Variants in MDN1 observed in about 807,000 individuals in gnomAD.
MDN1 encodes the protein midasin.
A neutral mutation model predicts 669.2 loss-of-function variants in MDN1; 266 were observed. That is an observed-to-expected ratio of 0.40 (90% CI 0.36 to 0.44). The LOEUF is 0.44. Among genes scored for constraint, MDN1 ranks in the 20% least tolerant of loss-of-function variants. The pLI is 1.00. For synonymous variants in MDN1, 2,385 were observed against 2,457.1 expected (o/e 0.97, Z 0.87); for missense variants, 5,940 against 6,754.0 (o/e 0.88, Z 4.22).
chr6:89,653,580 G>T (rs1191692184), intron 93 of MDN1, among the ~76,000 whole-genome samples: 5 of 152,238 alleles, frequency 3.3e-5, no homozygotes, highest in African/African-American at 1.2e-4. Flanking sequence ...AGCCTGGCTT[G>T]TCACATAGGA....
At chr6:89,730,970 C>T (rs1319744381) in intron 34 of MDN1, 47 bp from the exon 35 acceptor site, 1 of 1,532,230 alleles carries the variant, frequency 6.5e-7, no homozygotes, top group Admixed American at 1.9e-5. Flanking sequence ...CAACACCAAG[C>T]TTCACCACCA....
At chr6:89,710,295 C>T (rs546901861) in intron 50 of MDN1, among the ~76,000 whole-genome samples, 1 of 152,144 alleles carries the variant, frequency 6.6e-6, no homozygotes, top group East Asian at 1.9e-4. Context: ...AGAGTTGGTA[C>T]CAGGGCCTAG....
At chr6:89,768,471 A>G (rs1817913967) in intron 15 of MDN1, among the ~76,000 whole-genome samples, 1 of 152,190 alleles carries the variant, frequency 6.6e-6, no homozygotes, top group South Asian at 2.1e-4. Context: ...TGAGTCAATT[A>G]AACCTCTTTT....
chr6:89,662,363 G>T, intron 86 of MDN1, 124 bp from the exon 87 acceptor site: 1 of 929,758 alleles, frequency 1.1e-6, no homozygotes, highest in Non-Finnish European at 1.6e-6. Context: ...GGCTGATAAA[G>T]TGCCATCCGT....
Position 89,643,930 on chromosome 6 carries a change from C to A in MDN1, c.*75G>T. The stretch of plus-strand genomic sequence containing the variant: ...TACAATAAAATTTTTTGTAGTTGTC[C>A]AAAAGGGAGCACCTGGGTAAGCAAT... On this transcript the variant is annotated 3_prime_UTR_variant, in exon 102 of 102. Transcript: ENST00000369393. The A allele has an allele frequency of 7.7e-7, 1 of 1,300,556 alleles. No individual in the cohort carries two copies. The highest frequency in any genetic ancestry group is 1.7e-5 in the South Asian group (1 of 57,652). 80.6% of individuals were successfully genotyped at this position (1,300,556 alleles called of 1,614,324 possible).
At chr6:89,782,697 T>G (rs4053619) in intron 9 of MDN1, among the ~76,000 whole-genome samples, 56,638 of 151,228 alleles carry the variant, frequency 0.37, 11,336 homozygotes, top group East Asian at 0.68. Context: ...TCCCAGCACT[T>G]TGGCAGGCTG....
At chr6:89,672,816 G>T in intron 80 of MDN1, 114 bp from the exon 81 acceptor site, 3 of 1,178,976 alleles carry the variant, frequency 2.5e-6, no homozygotes, top group Non-Finnish European at 3.5e-6. Context: ...ACTGTGTCAA[G>T]CTGTGCCAGA....
At chr6:89,721,329 C>A (rs556084882) in intron 40 of MDN1, among the ~76,000 whole-genome samples, 20 of 152,270 alleles carry the variant, frequency 1.3e-4, no homozygotes, top group Admixed American at 9.8e-4. Flanking sequence ...GGCACACAGG[C>A]ATTAGACAGA....
At position 89,694,170 on chromosome 6, in the gene MDN1, T is replaced by C. The variant is rs1812564222; in HGVS notation, c.9785A>G (p.Gln3262Arg). 1.9e-6 allele frequency: 3 copies of C among 1,613,902 alleles called. No individual in the cohort carries two copies. Among genetic ancestry groups the C allele is most frequent in the African/African-American group, 1.3e-5 (1 of 74,924 alleles). ...NYVKEELHQL[Q>R]CEWKTRNLSS... ...CAGGTTCCGGGTCTTCCATTCACACTGCAGTTGGTGTAACTAATGGAAAAG... is the reference window on the plus strand; with the variant it reads ...CAGGTTCCGGGTCTTCCATTCACACCGCAGTTGGTGTAACTAATGGAAAAG... The change falls in exon 62 of 102, where the codon CAG (glutamine) becomes CGG (arginine). Residue 3262 changes from glutamine (Q) to arginine (R), a missense_variant. Coordinates refer to ENST00000369393, the MANE Select transcript of MDN1 (RefSeq NM_014611.3).
At chr6:89,655,412 T>C (rs1809183540) in intron 92 of MDN1, among the ~76,000 whole-genome samples, 1 of 152,206 alleles carries the variant, frequency 6.6e-6, no homozygotes, top group South Asian at 2.1e-4. Flanking sequence ...ATATCGGGGT[T>C]TGGATGTGAA....
chr6:89,680,679 T>C lies in MDN1; in HGVS notation c.12175A>G (p.Lys4059Glu), dbSNP rs1368510243. ...LEGELLRRLP[K>E]LRKRMRKMCL... ...ATCTTCCTCATGCGTTTCCTGAGCT[T>C]TGGCAAGCGACGCAGAAGCTCCCCT... Residue 4059 changes from lysine to glutamate, a missense_variant, in exon 74 of 102, where the codon AAG becomes GAG. Physicochemically the swap from Lys to Glu is moderately conservative, Grantham distance 56. Coordinates refer to ENST00000369393, the MANE Select transcript of MDN1 (RefSeq NM_014611.3). 9.9e-6 allele frequency: 16 copies of C among 1,613,994 alleles called. No homozygotes were observed. Among genetic ancestry groups the C allele is most frequent in the African/African-American group, 2.7e-5 (2 of 74,896 alleles).
In MDN1 at chr6:89,790,332, A is replaced by G. The variant is rs1819188232; in HGVS notation, c.925T>C (p.Cys309Arg). ...LRSYVLVESV[C>R]KSLQTLAMAV... ...ATAGCCAGGGTCTGAAGACTTTTGC[A>G]GACAGACTCAACCAGCACATAAGAC... The change falls in exon 6 of 102, where the codon TGC becomes CGC. Residue 309 changes from cysteine (C) to arginine (R), a missense_variant. By Grantham distance (180) the Cys-to-Arg change is radical. Around this residue, in one of 5 missense-constraint regions of MDN1, gnomAD observed 1,203 missense variants for 1,268.9 expected, o/e 0.95. Transcript: ENST00000369393. The G allele has an allele frequency of 3.7e-6, 6 of 1,614,056 alleles. No homozygotes were observed. The highest frequency in any genetic ancestry group is 5.1e-6 in the Non-Finnish European group (6 of 1,180,038).
At chr6:89,667,241 G>C (rs1044499660) in intron 84 of MDN1, among the ~76,000 whole-genome samples, 2 of 150,252 alleles carry the variant, frequency 1.3e-5, no homozygotes, top group Admixed American at 1.3e-4. Flanking sequence ...AATACAGAAG[G>C]CCAAAATAAC....
At chr6:89,746,863 A>G (rs1000014306) in intron 27 of MDN1, among the ~76,000 whole-genome samples, 4 of 152,216 alleles carry the variant, frequency 2.6e-5, no homozygotes, top group Non-Finnish European at 4.4e-5. Flanking sequence ...ATCCTATCAC[A>G]AACAGTAACA....
At chr6:89,731,379 T>C (rs543515053) in intron 34 of MDN1, among the ~76,000 whole-genome samples, 16 of 152,232 alleles carry the variant, frequency 1.1e-4, no homozygotes, top group African/African-American at 3.9e-4. Flanking sequence ...CCATCAATGA[T>C]AGACTGGATA....
chr6:89,778,138 A>G (rs1818444456), intron 11 of MDN1, among the ~76,000 whole-genome samples: 1 of 151,212 alleles, frequency 6.6e-6, no homozygotes, highest in Non-Finnish European at 1.5e-5. Flanking sequence ...AGTATTTTAT[A>G]TTTTTGTCCT....
At chr6:89,777,648 C>G (rs902079288) in intron 11 of MDN1, among the ~76,000 whole-genome samples, 1 of 152,106 alleles carries the variant, frequency 6.6e-6, no homozygotes, top group Non-Finnish European at 1.5e-5. Context: ...TGTGACTTCC[C>G]CAGCTGCTCC....
chr6:89,757,219 T>C (rs887930703), intron 19 of MDN1, among the ~76,000 whole-genome samples: 16 of 152,182 alleles, frequency 1.1e-4, no homozygotes, highest in African/African-American at 3.4e-4. Context: ...TTCCCAAATG[T>C]TACATACATA....
rs946401374 is a variant in MDN1, at chr6:89,719,346, C to T, written c.5968-121G>A. 1.3e-4 allele frequency: 96 copies of T among 738,118 alleles called. 1 individual carries two copies. Among genetic ancestry groups the T allele is most frequent in the Middle Eastern group, 3.5e-4 (1 of 2,838 alleles). The allele number at this position is 738,118 out of a possible 1,614,324, so 45.7% of individuals were successfully genotyped here. A position where few individuals can be genotyped will look rare whatever the true frequency, so the allele number is the denominator to read the frequency against. On this transcript the variant is annotated intron_variant, in intron 40 of 101. Coordinates refer to ENST00000369393, the MANE Select transcript of MDN1 (RefSeq NM_014611.3). ...TTCTAAAAACACTGGCCACAATTCCCTTATCCTTTTGAATTTTCTCTTATA... is the reference window on the plus strand; with the variant it reads ...TTCTAAAAACACTGGCCACAATTCCTTTATCCTTTTGAATTTTCTCTTATA...
Sources: gnomAD v4.1 joint callset for allele counts (sites outside exome capture counted in the v4.1 genomes callset) on GRCh38, gnomAD v4.1.1 for gene constraint, gnomAD v4.1.1 regional missense constraint, MANE v1.5 for transcripts, NCBI Gene and HGNC (gene_info 2026-07-23, HGNC 2026-07-21) for gene names.